VWA8: variants seen among roughly 807,000 people sequenced by gnomAD.
VWA8 encodes von Willebrand factor A domain-containing protein 8.
A neutral mutation model predicts 241.5 loss-of-function variants in VWA8; 221 were observed. The ratio of observed to expected loss-of-function variants is 0.91; its 90% CI spans 0.82 to 1.02. The LOEUF (loss-of-function observed/expected upper bound fraction) is 1.02, where lower values mean the gene tolerates loss of function less well. Among genes scored for constraint, VWA8 ranks in the 50% least tolerant of loss-of-function variants. The probability of loss-of-function intolerance (pLI) is 0.00; values close to 1 mark genes in which losing one functional copy is unlikely to be tolerated. For synonymous variants in VWA8, 852 were observed against 827.1 expected (o/e 1.03, Z -0.52); for missense variants, 2,322 against 2,328.7 (o/e 1.00, Z 0.06).
At position 41,573,610 on chromosome 13, in the gene VWA8, C is replaced by CATATATATATATATATAT. The variant is rs1239166610; in HGVS notation, c.5370+2129_5370+2130insATATATATATATATATAT. Among the ~76,000 whole-genome samples the CATATATATATATATATAT allele has an allele frequency of 1.3e-3, 187 of 140,170 alleles. 5 individuals are homozygous for CATATATATATATATATAT. The highest frequency in any genetic ancestry group is 7.4e-3 in the Middle Eastern group (2 of 272). The allele number at this position is 140,170 out of a possible 152,430, so 92.0% of individuals were successfully genotyped here. ...ATATATATACACCTCTATATATACG[C>CATATATATATATATATAT]ATATATATGGTGTGTGTGTGTGTGA... is the stretch of plus-strand genomic sequence containing the variant. On this transcript the variant is annotated intron_variant, in intron 43 of 44. Coordinates refer to ENST00000379310, the MANE Select transcript of VWA8 (RefSeq NM_015058.2).
chr13:41,822,152 TTTA>T (rs1348706284), intron 14 of VWA8, among the ~76,000 whole-genome samples: 1 of 152,142 alleles, frequency 6.6e-6, no homozygotes, highest in East Asian at 1.9e-4. Flanking sequence ...ATATGCATAG[TTTA>T]TTATATGTCA....
At chr13:41,772,200 A>C (rs2045829409) in intron 20 of VWA8, among the ~76,000 whole-genome samples, 1 of 152,122 alleles carries the variant, frequency 6.6e-6, no homozygotes, top group Non-Finnish European at 1.5e-5. Context: ...TCCGGCAGGG[A>C]CTTTTTTAAA....
chr13:41,587,331 T>C (rs1025647557), intron 42 of VWA8, among the ~76,000 whole-genome samples, 181 bp downstream of exon 42: 2 of 152,188 alleles, frequency 1.3e-5, no homozygotes, highest in African/African-American at 4.8e-5. Context: ...ATCAGACTTT[T>C]AAATTATGGA....
intron 2 of VWA8, among the ~76,000 whole-genome samples, chr13:41,944,094 G>A (rs1877727898): frequency 6.7e-6 from 1 of 149,760 alleles, no homozygotes; most frequent in Non-Finnish European, 1.5e-5. Context: ...GACAGAGCAA[G>A]ACTCTGTCTC....
chr13:41,634,085 G>T (rs2044742065), intron 37 of VWA8, among the ~76,000 whole-genome samples: 1 of 152,158 alleles, frequency 6.6e-6, no homozygotes. Flanking sequence ...AGTTGTGTAT[G>T]TTTGGCCATG....
intron 12 of VWA8, among the ~76,000 whole-genome samples, chr13:41,841,126 T>C (rs749959448): frequency 3.9e-5 from 6 of 152,146 alleles, no homozygotes; most frequent in Non-Finnish European, 5.9e-5. Flanking sequence ...TGTCCTCAAG[T>C]ATATTATGAC....
intron 2 of VWA8, among the ~76,000 whole-genome samples, chr13:41,912,395 A>T (rs1429582309): frequency 6.6e-6 from 1 of 152,120 alleles, no homozygotes; most frequent in East Asian, 1.9e-4. Flanking sequence ...CAATAAAACC[A>T]TTATTGTCGA....
chr13:41,638,073 C>G (rs2044770926), intron 37 of VWA8, among the ~76,000 whole-genome samples: 1 of 152,094 alleles, frequency 6.6e-6, no homozygotes. Flanking sequence ...AAAGAAGAAA[C>G]AAACCAGTGT....
chr13:41,715,254 CCATT>C (rs574475607), intron 26 of VWA8, among the ~76,000 whole-genome samples: 9 of 151,252 alleles, frequency 6.0e-5, no homozygotes, highest in Non-Finnish European at 1.3e-4. Flanking sequence ...ATCATTATTA[CCATT>C]ATTATGAAAT....
At position 41,701,602 on chromosome 13, in the gene VWA8, CA is replaced by C. The variant is rs1186333374; in HGVS notation, c.3226-73del. 6 of 1,379,012 alleles carry C rather than the reference CA, an allele frequency of 4.4e-6. No homozygotes were observed. In the Admixed American group the frequency reaches 1.7e-4, roughly 38 times the overall value. The allele number at this position is 1,379,012 out of a possible 1,614,324, so 85.4% of individuals were successfully genotyped here. On this transcript the variant is annotated intron_variant, in intron 27 of 44. Coordinates refer to ENST00000379310, the MANE Select transcript of VWA8 (RefSeq NM_015058.2). ...AAATGTAGAAAAGCTAAAGTTCTTC[CA>C]AAATATAAACTTTAACATTCAAGTA...
chr13:41,758,140 A>T (rs1593749957), intron 21 of VWA8, among the ~76,000 whole-genome samples: 1 of 151,202 alleles, frequency 6.6e-6, no homozygotes, highest in African/African-American at 2.4e-5. Context: ...ACGGAAGCTC[A>T]TCATCTCACA....
intron 20 of VWA8, among the ~76,000 whole-genome samples, chr13:41,769,629 A>G (rs1057101986): frequency 2.6e-5 from 4 of 152,214 alleles, no homozygotes; most frequent in African/African-American, 9.6e-5. Flanking sequence ...TCTGCCTAGT[A>G]CAGGAATTCG....
At position 41,581,015 on chromosome 13, in the gene VWA8, T is replaced by A. The variant is rs185476806; in HGVS notation, c.5272-5177A>T. On this transcript the variant is annotated intron_variant, in intron 42 of 44. Coordinates refer to ENST00000379310, the MANE Select transcript of VWA8 (RefSeq NM_015058.2). The stretch of plus-strand genomic sequence containing the variant: ...ATTTTATTTTATTTTATTTTATTTT[T>A]TTTTGAGACGGAGTCTCGCTGTCGT... 5.1e-3 allele frequency among the ~76,000 whole-genome samples: 390 copies of A among 76,038 alleles called. 104 individuals are homozygous for A. Among genetic ancestry groups the A allele is most frequent in the African/African-American group, 0.041 (324 of 7,840 alleles). The allele number at this position is 76,038 out of a possible 152,430, so 49.9% of individuals were successfully genotyped here.
chr13:41,571,955 C>T lies in VWA8; in HGVS notation c.5371-1249G>A, dbSNP rs999010537. Among the ~76,000 whole-genome samples the T allele has an allele frequency of 6.0e-5, 9 of 151,122 alleles. No homozygotes were observed. The East Asian group carries it at 1.6e-3, about 26-fold the overall frequency. On this transcript the variant is annotated intron_variant, in intron 43 of 44. Transcript: ENST00000379310. ...CTGAGATGTGAGGAGCCCCTCTGACCGGCCGCCCAGTCTGGGATGTGAGGA... is the reference window on the plus strand; with the variant it reads ...CTGAGATGTGAGGAGCCCCTCTGACTGGCCGCCCAGTCTGGGATGTGAGGA...
rs544413664 is a variant in VWA8, at chr13:41,605,205, T to A, written c.4949A>T (p.Gln1650Leu). 5 of 1,613,252 alleles carry A rather than the reference T, an allele frequency of 3.1e-6. No individual in the cohort carries two copies. In the African/African-American group the frequency reaches 4.0e-5, roughly 13 times the overall value. Residue 1650 changes from glutamine to leucine, a missense_variant, in exon 40 of 45, where the codon CAG becomes CTG. By Grantham distance (113) the Gln-to-Leu change is moderately radical. Transcript: ENST00000379310. ...YERFSGAVRRQVHSLRIILDN... is the reference protein window; with the variant it reads ...YERFSGAVRRLVHSLRIILDN... ...CAGGATGATTCGGAGGGAGTGCACC[T>A]GTCGCCGAACAGCACCTGAAAACCT...
At chr13:41,813,092 A>G (rs1870540898) in intron 16 of VWA8, among the ~76,000 whole-genome samples, 1 of 152,124 alleles carries the variant, frequency 6.6e-6, no homozygotes, top group South Asian at 2.1e-4. Context: ...CTCAAACAAC[A>G]AAGACCTATG....
intron 37 of VWA8, among the ~76,000 whole-genome samples, chr13:41,622,886 C>T (rs1369389751): frequency 6.6e-6 from 1 of 152,212 alleles, no homozygotes; most frequent in Non-Finnish European, 1.5e-5. Context: ...CTGGACAACA[C>T]AGCTGGAGAC....
At chr13:41,867,647 T>A (rs972806264) in intron 10 of VWA8, among the ~76,000 whole-genome samples, 1 of 152,226 alleles carries the variant, frequency 6.6e-6, no homozygotes, top group Admixed American at 6.5e-5. Context: ...ATGGTGGATA[T>A]AATCAATATT....
At chr13:41,625,830 C>G (rs1221718766) in intron 37 of VWA8, among the ~76,000 whole-genome samples, 2 of 151,554 alleles carry the variant, frequency 1.3e-5, no homozygotes, top group East Asian at 3.9e-4. Context: ...TTGGAACCAA[C>G]CCAAATGTCC....
Sources: gnomAD v4.1 joint callset for allele counts (sites outside exome capture counted in the v4.1 genomes callset) on GRCh38, gnomAD v4.1.1 for gene constraint, MANE v1.5 for transcripts, NCBI Gene and HGNC (gene_info 2026-07-23, HGNC 2026-07-21) for gene names.